SLIT3: variants seen among roughly 807,000 people sequenced by gnomAD.
SLIT3 encodes slit homolog 3 protein.
SLIT3 carries 68 observed loss-of-function variants against 184.0 expected under a neutral mutation model. The observed-to-expected ratio is 0.37, with a 90% CI of 0.30 to 0.45. The LOEUF is 0.45. Ranked by LOEUF, SLIT3 falls within the 20% of genes least tolerant of loss-of-function variation. The pLI is 1.00. For synonymous variants in SLIT3, 831 were observed against 828.6 expected (o/e 1.00, Z -0.05); for missense variants, 1,707 against 2,026.0 (o/e 0.84, Z 3.02).
chr5:168,854,408 C>CTGAG (rs1301502928), intron 5 of SLIT3, among the ~76,000 whole-genome samples: 1 of 103,686 alleles, frequency 9.6e-6, no homozygotes, highest in Non-Finnish European at 1.9e-5. Flanking sequence ...CTCCTTGTCT[C>CTGAG]TCAGATTCCT....
chr5:168,934,665 G>A (rs893340437), intron 4 of SLIT3, among the ~76,000 whole-genome samples: 3 of 152,122 alleles, frequency 2.0e-5, no homozygotes, highest in Non-Finnish European at 4.4e-5. Context: ...TTTGAGACTG[G>A]GGAGGAGTGT....
intron 4 of SLIT3, among the ~76,000 whole-genome samples, chr5:169,033,313 T>G (rs1021330146): frequency 8.5e-5 from 13 of 152,190 alleles, no homozygotes; most frequent in African/African-American, 2.7e-4. Flanking sequence ...AATATTCCAA[T>G]CTAGACATAT....
rs773972740 is a variant in SLIT3, at chr5:168,666,643, C to G, written c.4383G>C (p.Gln1461His). ...GQVVREVIRR[Q>H]KGYASCATAS... is the part of the protein sequence containing the mutation. Reference sequence around the variant, plus strand: ...CTGTGGCACATGATGCATAACCTTTCTGGCGGCGGATCACCTCTCGGACTA... The same window carrying G: ...CTGTGGCACATGATGCATAACCTTTGTGGCGGCGGATCACCTCTCGGACTA... The change falls in exon 36 of 36, where the codon CAG (glutamine) becomes CAC (histidine). Residue 1461 changes from glutamine to histidine, a missense_variant. Coordinates refer to ENST00000519560, the MANE Select transcript of SLIT3 (RefSeq NM_003062.4). 1 of 1,614,190 alleles carries G rather than the reference C, an allele frequency of 6.2e-7. No homozygotes were observed. Among genetic ancestry groups the G allele is most frequent in the Non-Finnish European group, 8.5e-7 (1 of 1,180,038 alleles).
At chr5:168,866,285 C>T (rs1480459544) in intron 5 of SLIT3, among the ~76,000 whole-genome samples, 2 of 152,212 alleles carry the variant, frequency 1.3e-5, no homozygotes, top group Non-Finnish European at 2.9e-5. Flanking sequence ...CTTTACCCTC[C>T]ACTGTTTGGA....
chr5:168,753,665 C>T (rs1549909), intron 17 of SLIT3, among the ~76,000 whole-genome samples, 199 bp downstream of exon 17: 72,743 of 152,056 alleles, frequency 0.48, 17,782 homozygotes, highest in South Asian at 0.54. Context: ...TGTGAGTGTG[C>T]ATGCTGGAGG....
At chr5:169,139,491 TAC>T (rs1244024257) in intron 4 of SLIT3, among the ~76,000 whole-genome samples, 9 of 152,190 alleles carry the variant, frequency 5.9e-5, no homozygotes, top group Non-Finnish European at 1.2e-4. Flanking sequence ...ATGCCTGGGT[TAC>T]ACAGCTAGCC....
intron 4 of SLIT3, among the ~76,000 whole-genome samples, chr5:169,049,562 G>A (rs1017104676): frequency 2.0e-5 from 3 of 152,186 alleles, no homozygotes; most frequent in Non-Finnish European, 4.4e-5. Flanking sequence ...TGTAGAGAGC[G>A]CTGTAATTTT....
At chr5:168,892,187 T>C (rs1482280509) in intron 4 of SLIT3, among the ~76,000 whole-genome samples, 1 of 152,240 alleles carries the variant, frequency 6.6e-6, no homozygotes, top group Non-Finnish European at 1.5e-5. Flanking sequence ...TAATATGATA[T>C]TTAACTCAAT....
At chr5:168,815,706 C>T (rs555229762) in intron 8 of SLIT3, among the ~76,000 whole-genome samples, 18 of 152,230 alleles carry the variant, frequency 1.2e-4, no homozygotes, top group East Asian at 1.9e-4. Context: ...CAGGAGGAAG[C>T]GGCAGAGAAT....
chr5:169,106,924 C>T (rs766726225), intron 4 of SLIT3, among the ~76,000 whole-genome samples: 1 of 152,222 alleles, frequency 6.6e-6, no homozygotes, highest in Admixed American at 6.5e-5. Flanking sequence ...TGCAGCTTTG[C>T]TTAGCATTCC....
intron 3 of SLIT3, among the ~76,000 whole-genome samples, chr5:169,207,164 A>G (rs183356089): frequency 6.6e-6 from 1 of 151,608 alleles, no homozygotes; most frequent in Admixed American, 6.6e-5. Context: ...GCTCACTCCC[A>G]CCTCAGGCGA....
chr5:168,963,974 C>A (rs1291489874), intron 4 of SLIT3, among the ~76,000 whole-genome samples: 3 of 152,190 alleles, frequency 2.0e-5, no homozygotes, highest in Non-Finnish European at 4.4e-5. Flanking sequence ...CAATAAATAT[C>A]AACGATTATG....
Position 168,773,115 on chromosome 5 carries a change from G to A in SLIT3, c.1296-171C>T, listed in dbSNP as rs560703425. Among the ~76,000 whole-genome samples, 48 of 152,282 alleles carry A rather than the reference G, an allele frequency of 3.2e-4. No homozygotes were observed. The South Asian group carries it at 9.6e-3, about 30-fold the overall frequency. ...CTTTCAGACAGGGCTCAAAGAGGGG[G>A]TCTGAGGCCTGCTGTCTGCAAAAGA... On this transcript the variant is annotated intron_variant, in intron 13 of 35. Transcript: ENST00000519560.
chr5:169,248,690 G>A (rs1765678647), intron 2 of SLIT3, among the ~76,000 whole-genome samples: 2 of 152,160 alleles, frequency 1.3e-5, no homozygotes, highest in African/African-American at 4.8e-5. Context: ...ATGACGGCTG[G>A]GGTGGAGTTT....
In SLIT3 at chr5:168,793,602, A is replaced by C. The variant is rs114528881; in HGVS notation, c.1007+1905T>G. On this transcript the variant is annotated intron_variant, in intron 10 of 35. Coordinates refer to ENST00000519560, the MANE Select transcript of SLIT3 (RefSeq NM_003062.4). ...AGAAGGTCTTATGAATTTTGAATGC[A>C]CAGATCATGGCAAGTCCAATAGGTT... Among the ~76,000 whole-genome samples the C allele has an allele frequency of 2.5e-3, 379 of 152,362 alleles. 4 individuals carry two copies. Among genetic ancestry groups the C allele is most frequent in the African/African-American group, 8.8e-3 (365 of 41,588 alleles).
intron 4 of SLIT3, chr5:169,022,369 C>G (rs1756633752): frequency 6.6e-6 from 1 of 152,204 alleles, no homozygotes; most frequent in African/African-American, 2.4e-5. Flanking sequence ...CTCCCTTAGG[C>G]TGGGCACCGC....
At chr5:169,273,913 A>T (rs1183283961) in intron 1 of SLIT3, among the ~76,000 whole-genome samples, 2 of 152,218 alleles carry the variant, frequency 1.3e-5, no homozygotes, top group African/African-American at 4.8e-5. Context: ...GTATATAAAT[A>T]AGTTAATGTG....
At chr5:168,801,691 C>T (rs1362086531) in intron 9 of SLIT3, among the ~76,000 whole-genome samples, 2 of 152,168 alleles carry the variant, frequency 1.3e-5, no homozygotes. Flanking sequence ...TCTGGGGCTT[C>T]CCATAATCAA....
chr5:169,131,375 A>G (rs1236940656), intron 4 of SLIT3, among the ~76,000 whole-genome samples: 1 of 152,140 alleles, frequency 6.6e-6, no homozygotes, highest in African/African-American at 2.4e-5. Flanking sequence ...CACCTACTGA[A>G]TTCTGAACTC....
Sources: allele counts gnomAD v4.1 joint callset (sites outside exome capture counted in the v4.1 genomes callset), GRCh38; gene constraint gnomAD v4.1.1; transcripts MANE v1.5; gene names NCBI Gene and HGNC (gene_info 2026-07-23, HGNC 2026-07-21).